CALN1: variants seen among roughly 807,000 people sequenced by gnomAD.
The protein encoded by CALN1 is calneuron 1.
Under a neutral mutation model 30.6 loss-of-function variants are expected in CALN1, and 17 were observed. The ratio of observed to expected loss-of-function variants is 0.56; its 90% CI spans 0.38 to 0.83. CALN1 has a LOEUF of 0.83. Ranked by LOEUF, CALN1 falls within the 40% of genes least tolerant of loss-of-function variation. The probability of loss-of-function intolerance (pLI) is 0.00; values close to 1 mark genes in which losing one functional copy is unlikely to be tolerated. For missense variants in CALN1, 291 were observed against 354.9 expected (o/e 0.82, Z 1.45); for synonymous variants, 156 against 131.4 (o/e 1.19, Z -1.28).
intron 1 of CALN1, among the ~76,000 whole-genome samples, chr7:72,426,573 A>G (rs1585716673): frequency 6.6e-6 from 1 of 152,164 alleles, no homozygotes; most frequent in Admixed American, 6.5e-5. Flanking sequence ...TATAAATTAC[A>G]CAGTCTCAGG....
intron 2 of CALN1, among the ~76,000 whole-genome samples, chr7:72,320,471 C>T (rs530762751): frequency 3.3e-5 from 5 of 152,234 alleles, no homozygotes; most frequent in African/African-American, 7.2e-5. Context: ...AAAAGAGCCA[C>T]GGTCCTGGGA....
the CALN1 span, among the ~76,000 whole-genome samples, chr7:72,473,244 C>T: frequency 6.6e-6 from 1 of 152,050 alleles, no homozygotes; most frequent in Admixed American, 6.6e-5. Context: ...AGCCACCGTG[C>T]CCGGCCCAGC....
chr7:72,398,095 A>G (rs1412895164), intron 2 of CALN1, among the ~76,000 whole-genome samples: 1 of 152,174 alleles, frequency 6.6e-6, no homozygotes. Flanking sequence ...TGTTAGGGAC[A>G]GGGAAGAGAG....
At chr7:71,857,030 G>GTC (rs1790997489) in intron 5 of CALN1, among the ~76,000 whole-genome samples, 1 of 150,052 alleles carries the variant, frequency 6.7e-6, no homozygotes, top group South Asian at 2.1e-4. Flanking sequence ...GTGTGTGTGT[G>GTC]TGTGTGTGTG....
At chr7:72,393,996 G>A (rs929834296) in intron 2 of CALN1, among the ~76,000 whole-genome samples, 3 of 152,168 alleles carry the variant, frequency 2.0e-5, no homozygotes, top group Non-Finnish European at 2.9e-5. Context: ...CACATAGGAA[G>A]TAAATGGATC....
chr7:72,358,463 GA>G (rs1448096848), intron 2 of CALN1, among the ~76,000 whole-genome samples: 1 of 152,134 alleles, frequency 6.6e-6, no homozygotes, highest in Non-Finnish European at 1.5e-5. Flanking sequence ...AGAGAGCACT[GA>G]CTTTGACATT....
At chr7:72,122,109 G>A (rs781523589) in intron 3 of CALN1, among the ~76,000 whole-genome samples, 28 of 151,884 alleles carry the variant, frequency 1.8e-4, no homozygotes, top group Non-Finnish European at 3.8e-4. Flanking sequence ...AGTAGGAACT[G>A]CATCATTTGG....
At chr7:72,378,384 A>G (rs897493093) in intron 2 of CALN1, among the ~76,000 whole-genome samples, 4 of 152,168 alleles carry the variant, frequency 2.6e-5, no homozygotes, top group African/African-American at 7.2e-5. Flanking sequence ...TTTTTCTTGA[A>G]TAAGTGCTTC....
intron 2 of CALN1, among the ~76,000 whole-genome samples, chr7:72,332,892 C>T (rs1176437845): frequency 6.6e-6 from 1 of 152,138 alleles, no homozygotes; most frequent in Non-Finnish European, 1.5e-5. Flanking sequence ...ATCCATGTTT[C>T]TGGTCTTCTC....
intron 4 of CALN1, among the ~76,000 whole-genome samples, chr7:72,064,447 C>A (rs566078802): frequency 2.0e-5 from 3 of 152,104 alleles, no homozygotes; most frequent in African/African-American, 7.2e-5. Context: ...TTGGCAGGTG[C>A]TCTTTGTCAG....
intron 3 of CALN1, among the ~76,000 whole-genome samples, chr7:72,153,243 C>T (rs142993069): frequency 1.1e-3 from 166 of 152,292 alleles, no homozygotes; most frequent in African/African-American, 3.7e-3. Context: ...CACACCTACG[C>T]GTGGGCTGCT....
chr7:72,094,793 C>T lies in CALN1; in HGVS notation c.388+11358G>A, dbSNP rs558264785. On this transcript the variant is annotated intron_variant, in intron 4 of 6. Transcript: ENST00000395275. ...GCAAGTCTGAAGAATTCTCCCTTCA[C>T]CAAAACAATGAGAAACCTAAAGACT... Among the ~76,000 whole-genome samples the T allele has an allele frequency of 8.5e-5, 13 of 152,278 alleles. No homozygotes were observed. In the East Asian group the frequency reaches 2.5e-3, roughly 29 times the overall value.
chr7:71,850,793 A>C (rs938390584), intron 5 of CALN1, among the ~76,000 whole-genome samples: 1 of 152,188 alleles, frequency 6.6e-6, no homozygotes, highest in African/African-American at 2.4e-5. Flanking sequence ...AACAGAATAA[A>C]ATCTATGTTA....
intron 6 of CALN1, among the ~76,000 whole-genome samples, chr7:71,806,619 T>C (rs1250122169): frequency 1.3e-5 from 2 of 152,210 alleles, no homozygotes; most frequent in Non-Finnish European, 2.9e-5. Context: ...AATTGCCCTA[T>C]TGATAACAAT....
At chr7:72,183,285 CTA>C (rs1241236555) in intron 3 of CALN1, among the ~76,000 whole-genome samples, 2 of 151,838 alleles carry the variant, frequency 1.3e-5, no homozygotes, top group East Asian at 1.9e-4. Flanking sequence ...GGCTGGAAAT[CTA>C]TGTTTTTTAA....
At chr7:72,023,795 G>A (rs538185118) in intron 4 of CALN1, 26 bp from the exon 5 acceptor site, 1 of 1,582,066 alleles carries the variant, frequency 6.3e-7, no homozygotes, top group South Asian at 1.1e-5. Flanking sequence ...GTAAATATGA[G>A]TTGCAAACAA....
intron 4 of CALN1, chr7:72,103,365 CAG>C (rs1367249343): frequency 1.8e-5 from 3 of 162,314 alleles, no homozygotes; most frequent in Non-Finnish European, 2.7e-5. Context: ...GTGTGAGGTA[CAG>C]CAGAGAGTGT....
At chr7:72,045,015 G>C (rs754891712) in intron 4 of CALN1, among the ~76,000 whole-genome samples, 6 of 152,202 alleles carry the variant, frequency 3.9e-5, no homozygotes, top group Non-Finnish European at 8.8e-5. Flanking sequence ...TAAGAGGCAA[G>C]GAGATACCAA....
chr7:72,397,745 CACA>C (rs1218414989), intron 2 of CALN1, among the ~76,000 whole-genome samples: 1 of 150,864 alleles, frequency 6.6e-6, no homozygotes, highest in Non-Finnish European at 1.5e-5. Context: ...CACACACACA[CACA>C]CACCTTGCTC....
Sources: gnomAD v4.1 joint callset for allele counts (sites outside exome capture counted in the v4.1 genomes callset) on GRCh38, gnomAD v4.1.1 for gene constraint, MANE v1.5 for transcripts, NCBI Gene and HGNC (gene_info 2026-07-23, HGNC 2026-07-21) for gene names.